SLC12A8: variants seen among roughly 807,000 people sequenced by gnomAD.
The protein encoded by SLC12A8 is solute carrier family 12 member 8.
In SLC12A8, 69 loss-of-function variants were observed where a neutral mutation model predicts 75.6. That is an observed-to-expected ratio of 0.91 (90% CI 0.75 to 1.11). The LOEUF (loss-of-function observed/expected upper bound fraction) is 1.11. Ranked by LOEUF, SLC12A8 falls within the 50% of genes most tolerant of loss-of-function variation. SLC12A8 has a pLI of 0.00. For missense variants in SLC12A8, 877 were observed against 896.7 expected (o/e 0.98, Z 0.28); for synonymous variants, 365 against 372.8 (o/e 0.98, Z 0.24).
chr3:125,083,994 T>G lies in SLC12A8; in HGVS notation c.2041A>C (p.Met681Leu). 1 of 1,613,556 alleles carries G rather than the reference T, an allele frequency of 6.2e-7. No homozygotes were observed. The highest frequency in any genetic ancestry group is 1.1e-5 in the South Asian group (1 of 90,868). The change falls in exon 14 of 14, where the codon ATG (methionine) becomes CTG (leucine). Residue 681 changes from methionine to leucine, a missense_variant. Transcript: ENST00000469902. ...ILAPSLAKVD[M>L]EMTQLTQENA... ...TCCTGGGTGAGCTGAGTCATCTCCA[T>G]GTCAACCTTAGCCAGGGACGGCGCC...
At chr3:125,130,606 GAAAA>G (rs1560061780) in intron 6 of SLC12A8, among the ~76,000 whole-genome samples, 1 of 55,722 alleles carries the variant, frequency 1.8e-5, no homozygotes, top group Non-Finnish European at 4.9e-5. Flanking sequence ...AAAAGAAAAA[GAAAA>G]AGAAAAAGAA....
chr3:125,088,161 G>A, intron 13 of SLC12A8, 149 bp downstream of exon 13: 1 of 676,202 alleles, frequency 1.5e-6, no homozygotes, highest in African/African-American at 1.8e-5. Flanking sequence ...GCACGCAGGA[G>A]CAACATCTGA....
chr3:125,087,085 G>A (rs895485904), intron 13 of SLC12A8, among the ~76,000 whole-genome samples: 2 of 147,108 alleles, frequency 1.4e-5, no homozygotes, highest in African/African-American at 5.1e-5. Flanking sequence ...CACGTTACAT[G>A]TATTTCACTT....
At chr3:125,158,368 G>A (rs1490930717) in intron 5 of SLC12A8, among the ~76,000 whole-genome samples, 1 of 152,016 alleles carries the variant, frequency 6.6e-6, no homozygotes, top group South Asian at 2.1e-4. Flanking sequence ...TTACAGGCAT[G>A]TGCCACCACG....
chr3:125,202,593 T>C (rs982583787), intron 2 of SLC12A8, among the ~76,000 whole-genome samples: 3 of 151,800 alleles, frequency 2.0e-5, no homozygotes, highest in African/African-American at 7.3e-5. Flanking sequence ...AGTTACCTAG[T>C]CCCTCTATTC....
Position 125,082,889 on chromosome 3 carries a change from A to AG in SLC12A8, c.*1000_*1001insC, listed in dbSNP as rs1938362596. The AG allele has an allele frequency of 6.6e-6, 1 of 152,256 alleles. No individual in the cohort carries two copies. The highest frequency in any genetic ancestry group is 1.5e-5 in the Non-Finnish European group (1 of 68,044). 9.4% of individuals were successfully genotyped at this position (152,256 alleles called of 1,614,324 possible). A position where few individuals can be genotyped will look rare whatever the true frequency, so the allele number is the denominator to read the frequency against. On this transcript the variant is annotated 3_prime_UTR_variant, in exon 14 of 14. Transcript: ENST00000469902. ...ATAACACATTTATACAATGAAAAAAATGAACAAATGGCATATGAATTGATA... is the reference window on the plus strand; with the variant it reads ...ATAACACATTTATACAATGAAAAAAAGTGAACAAATGGCATATGAATTGATA...
chr3:125,194,838 T>C (rs1255223319), intron 2 of SLC12A8, among the ~76,000 whole-genome samples: 2 of 152,366 alleles, frequency 1.3e-5, no homozygotes, highest in Middle Eastern at 3.4e-3. Flanking sequence ...AAAGTTAATA[T>C]TGGATTATTA....
intron 5 of SLC12A8, among the ~76,000 whole-genome samples, chr3:125,136,986 A>G (rs1933508759): frequency 6.6e-6 from 1 of 152,190 alleles, no homozygotes; most frequent in Non-Finnish European, 1.5e-5. Context: ...AAGAGAAGCC[A>G]ATCCCTGCTC....
chr3:125,161,505 C>T (rs899728715), intron 5 of SLC12A8, among the ~76,000 whole-genome samples: 1 of 152,120 alleles, frequency 6.6e-6, no homozygotes, highest in African/African-American at 2.4e-5. Flanking sequence ...TTCCAACTGA[C>T]CTGCAGGAAT....
At chr3:125,164,386 T>C (rs1163222576) in intron 5 of SLC12A8, among the ~76,000 whole-genome samples, 1 of 152,224 alleles carries the variant, frequency 6.6e-6, no homozygotes, top group Non-Finnish European at 1.5e-5. Context: ...CACTCAGTTG[T>C]TTCAAAGATA....
At position 125,130,594 on chromosome 3, in the gene SLC12A8, AAAAAAGAAAAAGAAAAAG is replaced by A. The variant is rs3061217; in HGVS notation, c.736+5057_736+5074del. On this transcript the variant is annotated intron_variant, in intron 6 of 13. Transcript: ENST00000469902. ...GTGACAGAGCGAGACCCTGTCTTAAAAAAAAGAAAAAGAAAAAGAAAAAGAAAAAGAAATACGGATTAA... is the reference window on the plus strand; with the variant it reads ...GTGACAGAGCGAGACCCTGTCTTAAAAAAAAGAAAAAGAAATACGGATTAA... 3.3e-5 allele frequency among the ~76,000 whole-genome samples: 4 copies of A among 122,144 alleles called. No homozygotes were observed. The East Asian group carries it at 9.2e-4, about 28-fold the overall frequency. 80.1% of individuals were successfully genotyped at this position (122,144 alleles called of 152,430 possible). A position where few individuals can be genotyped will look rare whatever the true frequency, so the allele number is the denominator to read the frequency against.
chr3:125,135,787 A>G lies in SLC12A8; in HGVS notation c.623-5T>C, dbSNP rs769538249. ...AATATCCAATGAAACCATGTTCTGA[A>G]ATAAAGCAATGGAGAGCAACGTAAG... On this transcript the variant is annotated splice_region_variant and splice_polypyrimidine_tract_variant and intron_variant, in intron 5 of 13. Coordinates refer to ENST00000469902, the MANE Select transcript of SLC12A8 (RefSeq NM_024628.6). 18 of 1,580,468 alleles carry G rather than the reference A, an allele frequency of 1.1e-5. No individual in the cohort carries two copies. The highest frequency in any genetic ancestry group is 1.6e-5 in the Non-Finnish European group (18 of 1,155,816).
intron 2 of SLC12A8, among the ~76,000 whole-genome samples, chr3:125,195,077 G>A (rs1934980748): frequency 6.6e-6 from 1 of 152,238 alleles, no homozygotes; most frequent in Admixed American, 6.5e-5. Flanking sequence ...TGAGATGATA[G>A]TTGTGAAAGT....
At chr3:125,140,794 A>G (rs1324560266) in intron 5 of SLC12A8, among the ~76,000 whole-genome samples, 2 of 151,308 alleles carry the variant, frequency 1.3e-5, no homozygotes, top group Non-Finnish European at 2.9e-5. Flanking sequence ...ATCGTAGCTC[A>G]CTGCAACCTC....
At chr3:125,194,366 T>C (rs1934965733) in intron 2 of SLC12A8, among the ~76,000 whole-genome samples, 1 of 151,088 alleles carries the variant, frequency 6.6e-6, no homozygotes, top group Admixed American at 6.6e-5. Context: ...GACTGCCTGG[T>C]GGGTGTTTTT....
rs1933262372 is a variant in SLC12A8, at chr3:125,128,283, C to G, written c.736+7386G>C. Among the ~76,000 whole-genome samples the G allele has an allele frequency of 2.1e-5, 3 of 144,118 alleles. No homozygotes were observed. The South Asian group carries it at 6.9e-4, about 33-fold the overall frequency. 94.5% of individuals were successfully genotyped at this position (144,118 alleles called of 152,430 possible). A position where few individuals can be genotyped will look rare whatever the true frequency, so the allele number is the denominator to read the frequency against. On this transcript the variant is annotated intron_variant, in intron 6 of 13. Transcript: ENST00000469902. ...GCAAGCTCCGCCTCCCGGGTTCACG[C>G]CATTCTCCTGCCTCAGCCTCCCAAG...
intron 2 of SLC12A8, among the ~76,000 whole-genome samples, chr3:125,201,883 T>G (rs1258285843): frequency 6.6e-6 from 1 of 151,106 alleles, no homozygotes; most frequent in Non-Finnish European, 1.5e-5. Flanking sequence ...CTGAATTGAA[T>G]TATACTGAAG....
At chr3:125,128,181 T>A (rs1405404914) in intron 6 of SLC12A8, among the ~76,000 whole-genome samples, 18 of 112,336 alleles carry the variant, frequency 1.6e-4, no homozygotes, top group Admixed American at 4.0e-4. Context: ...AAGCTTATTT[T>A]TATTTTTTTT....
chr3:125,108,257 T>C (rs1939092620), intron 9 of SLC12A8, 131 bp from the exon 10 acceptor site: 1 of 913,520 alleles, frequency 1.1e-6, no homozygotes, highest in Non-Finnish European at 1.6e-6. Context: ...TATTCATCTA[T>C]AAACTTGAGA....
Sources: allele counts gnomAD v4.1 joint callset (sites outside exome capture counted in the v4.1 genomes callset), GRCh38; gene constraint gnomAD v4.1.1; transcripts MANE v1.5; gene names NCBI Gene and HGNC (gene_info 2026-07-23, HGNC 2026-07-21).